THADA: variants seen among roughly 807,000 people sequenced by gnomAD.
The protein encoded by THADA is tRNA (32-2'-O)-methyltransferase regulator THADA.
Under a neutral mutation model 219.8 loss-of-function variants are expected in THADA, and 213 were observed. The observed-to-expected ratio is 0.97, with a 90% confidence interval of 0.87 to 1.09. The LOEUF (loss-of-function observed/expected upper bound fraction) is 1.09. Ranked by LOEUF, THADA falls within the 50% of genes least tolerant of loss-of-function variation. The pLI is 0.00. For missense variants in THADA, 2,956 were observed against 2,311.3 expected, an observed-to-expected ratio of 1.28 and a Z score of -5.72; for synonymous variants, 1,018 against 828.9, an observed-to-expected ratio of 1.23 and a Z score of -3.92.
intron 30 of THADA, among the ~76,000 whole-genome samples, chr2:43,324,738 T>G (rs560875945): frequency 1.8e-4 from 27 of 152,160 alleles, no homozygotes; most frequent in Non-Finnish European, 3.5e-4. Context: ...CAAGCCACTT[T>G]GATGATGGGA....
At chr2:43,296,366 C>T (rs928807859) in intron 31 of THADA, among the ~76,000 whole-genome samples, 2 of 151,848 alleles carry the variant, frequency 1.3e-5, no homozygotes, top group African/African-American at 4.8e-5. Flanking sequence ...ACCTTCGCCT[C>T]CCCGGTACAA....
At chr2:43,340,082 C>T (rs528853228) in intron 30 of THADA, among the ~76,000 whole-genome samples, 34 of 152,318 alleles carry the variant, frequency 2.2e-4, no homozygotes, top group East Asian at 5.8e-4. Flanking sequence ...ACTCTCATTT[C>T]GTTTCTGGTC....
At chr2:43,515,663 C>G (rs1691635529) in intron 22 of THADA, among the ~76,000 whole-genome samples, 1 of 151,310 alleles carries the variant, frequency 6.6e-6, no homozygotes, top group African/African-American at 2.4e-5. Flanking sequence ...TCAATTATAC[C>G]AAACACAAGT....
chr2:43,559,428 C>G (rs1296670538), intron 16 of THADA, among the ~76,000 whole-genome samples: 2 of 152,154 alleles, frequency 1.3e-5, no homozygotes, highest in Admixed American at 1.3e-4. Flanking sequence ...CTACCATGCC[C>G]TAAACACAGC....
At chr2:43,379,436 T>C (rs766774197) in intron 29 of THADA, among the ~76,000 whole-genome samples, 2 of 152,168 alleles carry the variant, frequency 1.3e-5, no homozygotes, top group African/African-American at 2.4e-5. Context: ...TCATAATTAA[T>C]GTAAATGGAT....
chr2:43,519,280 GTTAAA>G, intron 22 of THADA, among the ~76,000 whole-genome samples: 1 of 152,054 alleles, frequency 6.6e-6, no homozygotes, highest in Non-Finnish European at 1.5e-5. Flanking sequence ...ATAAACTTTT[GTTAAA>G]CTGCTAACCT....
intron 17 of THADA, among the ~76,000 whole-genome samples, chr2:43,552,966 G>A (rs56304210): frequency 2.0e-5 from 3 of 151,886 alleles, no homozygotes; most frequent in Admixed American, 6.6e-5. Context: ...TTGCCTGGAC[G>A]TCTCATATAA....
intron 36 of THADA, among the ~76,000 whole-genome samples, chr2:43,265,600 C>G (rs949542239): frequency 1.3e-5 from 2 of 152,134 alleles, no homozygotes; most frequent in African/African-American, 4.8e-5. Flanking sequence ...GTCTGCCTGC[C>G]AAGCAAGGCA....
intron 29 of THADA, among the ~76,000 whole-genome samples, chr2:43,391,231 T>C (rs748719585): frequency 3.9e-5 from 6 of 152,092 alleles, no homozygotes; most frequent in African/African-American, 7.2e-5. Flanking sequence ...TGCTATTAAT[T>C]CCCCTACTCT....
At chr2:43,313,769 C>G (rs937985915) in intron 31 of THADA, among the ~76,000 whole-genome samples, 2 of 152,216 alleles carry the variant, frequency 1.3e-5, no homozygotes, top group African/African-American at 2.4e-5. Flanking sequence ...GGGACAGAAG[C>G]CTGGGAAGTT....
chr2:43,397,342 T>A (rs1352693429), intron 29 of THADA, among the ~76,000 whole-genome samples: 1 of 152,212 alleles, frequency 6.6e-6, no homozygotes, highest in East Asian at 1.9e-4. Flanking sequence ...CAATACTACC[T>A]GTCCTCAAGT....
Position 43,586,924 on chromosome 2 carries a change from A to T in THADA, c.381T>A (p.Asn127Lys). The T allele has an allele frequency of 6.2e-7, 1 of 1,613,884 alleles. No individual in the cohort carries two copies. The highest frequency in any genetic ancestry group is 8.5e-7 in the Non-Finnish European group (1 of 1,179,818). The change falls in exon 5 of 38, where the codon AAT becomes AAA. Residue 127 changes from asparagine to lysine, a missense_variant. Asn to Lys is a moderately conservative substitution (Grantham distance 94, BLOSUM62 0). Transcript: ENST00000405975. ...RFTSRLQEEL[N>K]TTDLYSYRKV... The stretch of plus-strand genomic sequence containing the variant: ...TCCTGTAAGAGTATAAGTCAGTAGT[A>T]TTCAATTCTTCCTGAAGACGAGAAG...
intron 7 of THADA, among the ~76,000 whole-genome samples, chr2:43,584,241 C>G (rs1432902316): frequency 6.6e-6 from 1 of 151,942 alleles, no homozygotes; most frequent in Non-Finnish European, 1.5e-5. Context: ...ATTTGAGGTA[C>G]CTGTAAAACA....
intron 31 of THADA, among the ~76,000 whole-genome samples, chr2:43,312,986 T>G (rs7590268): frequency 0.21 from 32,488 of 152,034 alleles, 3,586 homozygotes; most frequent in Middle Eastern, 0.26. Flanking sequence ...TCAAAGCAGG[T>G]GTTTGTAAGA....
intron 25 of THADA, among the ~76,000 whole-genome samples, chr2:43,496,855 TGCA>T (rs1458783588): frequency 1.3e-5 from 2 of 152,300 alleles, no homozygotes; most frequent in East Asian, 3.9e-4. Flanking sequence ...TATAATTCAT[TGCA>T]GCATTATTCA....
intron 29 of THADA, among the ~76,000 whole-genome samples, chr2:43,354,908 G>A: frequency 6.6e-6 from 1 of 151,378 alleles, no homozygotes; most frequent in Non-Finnish European, 1.5e-5. Flanking sequence ...AGACCTGATG[G>A]TTTTACAAGG....
chr2:43,427,451 G>T (rs189864609), intron 28 of THADA, among the ~76,000 whole-genome samples: 88 of 151,136 alleles, frequency 5.8e-4, no homozygotes, highest in Admixed American at 5.8e-3. Context: ...AAACACTGGG[G>T]GCAATGGCAG....
At chr2:43,256,351 C>CT (rs76489639) in intron 36 of THADA, among the ~76,000 whole-genome samples, 85 of 145,656 alleles carry the variant, frequency 5.8e-4, no homozygotes, top group Middle Eastern at 3.5e-3. Context: ...CTCTCTTCTA[C>CT]TTTTTTTTTT....
chr2:43,417,610 T>G (rs1677160001), intron 28 of THADA, among the ~76,000 whole-genome samples: 1 of 152,224 alleles, frequency 6.6e-6, no homozygotes, highest in Admixed American at 6.5e-5. Context: ...GCAAAGTAAG[T>G]CCAAATGTTT....
Sources: gnomAD v4.1 joint callset for allele counts (sites outside exome capture counted in the v4.1 genomes callset) on GRCh38, gnomAD v4.1.1 for gene constraint, MANE v1.5 for transcripts, NCBI Gene and HGNC (gene_info 2026-07-23, HGNC 2026-07-21) for gene names.